Variants in NUP42 observed in about 807,000 individuals in gnomAD.
The protein encoded by NUP42 is nucleoporin NUP42.
A neutral mutation model predicts 35.9 loss-of-function variants in NUP42; 47 were observed. The observed-to-expected ratio is 1.31, with a 90% confidence interval of 1.04 to 1.67. The LOEUF (loss-of-function observed/expected upper bound fraction) is 1.67, where lower values mean the gene tolerates loss of function less well. NUP42 is among the 40% of genes most tolerant of loss of function. NUP42 has a pLI of 0.00. For missense variants in NUP42, 514 were observed against 492.2 expected (o/e 1.04, Z -0.42); for synonymous variants, 173 against 173.3 (o/e 1.00, Z 0.01).
chr7:23,189,670 T>A (rs1233142200), intron 3 of NUP42, among the ~76,000 whole-genome samples: 1 of 151,252 alleles, frequency 6.6e-6, no homozygotes, highest in African/African-American at 2.4e-5. Context: ...CCCAGCACTT[T>A]GGGAGGCCGA....
intron 3 of NUP42, chr7:23,188,289 C>T: frequency 1.7e-6 from 2 of 1,207,600 alleles, no homozygotes; most frequent in Non-Finnish European, 2.1e-6. Context: ...TTCTTTTGTG[C>T]TAAGTGCTAG....
intron 1 of NUP42, 159 bp downstream of exon 1, chr7:23,182,365 G>A (rs1228717332): frequency 7.0e-7 from 1 of 1,432,098 alleles, no homozygotes; most frequent in Non-Finnish European, 9.1e-7. Context: ...TAAACCGAGG[G>A]TTTTATCTAC....
chr7:23,197,458 T>A (rs902011638), intron 5 of NUP42, among the ~76,000 whole-genome samples: 1 of 152,246 alleles, frequency 6.6e-6, no homozygotes, highest in Non-Finnish European at 1.5e-5. Context: ...GCTTCCTGAA[T>A]AACTAGACTC....
At chr7:23,191,934 G>C (rs1477449451) in intron 3 of NUP42, among the ~76,000 whole-genome samples, 1 of 152,158 alleles carries the variant, frequency 6.6e-6, no homozygotes, top group Non-Finnish European at 1.5e-5. Context: ...TCCAGCCTGG[G>C]TGACAGGAAT....
intron 3 of NUP42, chr7:23,195,386 A>T (rs1422164927): frequency 6.6e-6 from 1 of 152,570 alleles, no homozygotes; most frequent in Non-Finnish European, 1.5e-5. Flanking sequence ...CCTGTTCATT[A>T]TCTTTGCCCA....
rs1179113595 is a variant in NUP42 at position 23,195,587 on chromosome 7, G to C, written c.446-252G>C. ...ATAAATGTAGTCAAATCTTTCTCCT[G>C]TGTTTGTTGTTCATTCTACGCCACT... On this transcript the variant is annotated intron_variant, in intron 3 of 6. Coordinates refer to ENST00000258742, the MANE Select transcript of NUP42 (RefSeq NM_007342.3). The C allele has an allele frequency of 2.7e-5, 9 of 332,530 alleles. 1 individual carries two copies. Among genetic ancestry groups the C allele is most frequent in the South Asian group, 1.8e-4 (3 of 16,760 alleles). The allele number at this position is 332,530 out of a possible 1,614,324, so 20.6% of individuals were successfully genotyped here. A position where few individuals can be genotyped will look rare whatever the true frequency, so the allele number is the denominator to read the frequency against.
At position 23,200,660 on chromosome 7, in the gene NUP42, A is replaced by G. The variant is rs1786193466; in HGVS notation, c.1187A>G (p.Glu396Gly). Residue 396 changes from glutamate to glycine, a missense_variant, in exon 7 of 7, where the codon GAA becomes GGA. Coordinates refer to ENST00000258742, the MANE Select transcript of NUP42 (RefSeq NM_007342.3). ...ACACCCAGAGATAAACTAACAGTAG[A>G]AGAACTGGAACAATTTCAATCCAAG... ...LFTPRDKLTV[E>G]ELEQFQSKKF... 2 of 1,613,722 alleles carry G rather than the reference A, an allele frequency of 1.2e-6. No homozygotes were observed. Among genetic ancestry groups the G allele is most frequent in the Admixed American group, 3.3e-5 (2 of 59,942 alleles).
intron 3 of NUP42, chr7:23,195,043 G>C (rs1398918437): frequency 3.3e-5 from 5 of 152,170 alleles, no homozygotes; most frequent in African/African-American, 1.2e-4. Flanking sequence ...AAAAATATTA[G>C]AATGAACACC....
chr7:23,182,417 C>T, intron 1 of NUP42: 1 of 1,379,442 alleles, frequency 7.2e-7, no homozygotes, highest in Non-Finnish European at 9.4e-7. Flanking sequence ...TTCTGAGGAC[C>T]TGGGTTTGGG....
chr7:23,200,168 G>A lies in NUP42; in HGVS notation c.695G>A (p.Gly232Asp). 2 of 1,546,414 alleles carry A rather than the reference G, an allele frequency of 1.3e-6. No homozygotes were observed. The highest frequency in any genetic ancestry group is 1.7e-6 in the Non-Finnish European group (2 of 1,144,704). ...SSQAATFMSP[G>D]FPVNNSSSDN... Reference sequence around the variant, plus strand: ...TTTTTGTTGTTGTTGTTGTTTGTAGGCTTTCCAGTCAATAACAGCAGCAGT... The same window carrying A: ...TTTTTGTTGTTGTTGTTGTTTGTAGACTTTCCAGTCAATAACAGCAGCAGT... The change falls in exon 7 of 7, where the codon GGC becomes GAC. Residue 232 changes from glycine (G) to aspartate (D), a missense_variant and splice_region_variant. Coordinates refer to ENST00000258742, the MANE Select transcript of NUP42 (RefSeq NM_007342.3).
At chr7:23,184,158 G>A (rs1394368172) in intron 1 of NUP42, among the ~76,000 whole-genome samples, 2 of 152,074 alleles carry the variant, frequency 1.3e-5, no homozygotes, top group Non-Finnish European at 2.9e-5. Flanking sequence ...TTGGAAAGCT[G>A]GTAGAGGAAC....
intron 4 of NUP42, chr7:23,196,443 C>A: frequency 2.3e-6 from 1 of 439,304 alleles, no homozygotes; most frequent in Non-Finnish European, 4.1e-6. Flanking sequence ...TAACTACGTG[C>A]TGCCAGGTAC....
At chr7:23,191,186 T>G (rs1303355858) in intron 3 of NUP42, among the ~76,000 whole-genome samples, 2 of 152,128 alleles carry the variant, frequency 1.3e-5, no homozygotes, top group Non-Finnish European at 2.9e-5. Flanking sequence ...GCCAGAGAGA[T>G]AGCCAGGGGC....
Position 23,189,749 on chromosome 7 carries a change from A to G in NUP42, c.445+2603A>G, listed in dbSNP as rs533840594. On this transcript the variant is annotated intron_variant, in intron 3 of 6. Coordinates refer to ENST00000258742, the MANE Select transcript of NUP42 (RefSeq NM_007342.3). ...AACACGATGAAACCCCATCTCTACTAAAAAATACAAAAAATTAGCCAGACA... is the reference window on the plus strand; with the variant it reads ...AACACGATGAAACCCCATCTCTACTGAAAAATACAAAAAATTAGCCAGACA... Among the ~76,000 whole-genome samples, 15 of 151,732 alleles carry G rather than the reference A, an allele frequency of 9.9e-5. No individual in the cohort carries two copies. In the East Asian group the frequency reaches 2.3e-3, roughly 24 times the overall value.
At chr7:23,194,443 G>A (rs1785935179) in intron 3 of NUP42, 1 of 152,608 alleles carries the variant, frequency 6.6e-6, no homozygotes, top group Non-Finnish European at 1.5e-5. Context: ...TACAGCCTCG[G>A]CTGGCCTTCC....
chr7:23,191,538 G>A (rs1255913465), intron 3 of NUP42, among the ~76,000 whole-genome samples: 2 of 152,170 alleles, frequency 1.3e-5, no homozygotes, highest in South Asian at 2.1e-4. Context: ...GGGAAGACAA[G>A]TCATTAGAAG....
intron 3 of NUP42, among the ~76,000 whole-genome samples, chr7:23,192,869 GT>G (rs1259968129): frequency 1.3e-5 from 2 of 152,206 alleles, no homozygotes; most frequent in Non-Finnish European, 2.9e-5. Flanking sequence ...TCCGGAATTG[GT>G]GGGTTCTTGG....
chr7:23,185,376 T>C, intron 2 of NUP42, 78 bp downstream of exon 2: 2 of 953,702 alleles, frequency 2.1e-6, no homozygotes, highest in South Asian at 3.1e-5. Flanking sequence ...TTTCTCTTTT[T>C]TTGTAACATC....
chr7:23,186,319 G>A (rs1041668871), intron 2 of NUP42, among the ~76,000 whole-genome samples: 2 of 152,144 alleles, frequency 1.3e-5, no homozygotes, highest in Non-Finnish European at 2.9e-5. Context: ...ATATACAACC[G>A]ATTTTTTTTT....
Sources: gnomAD v4.1 joint callset for allele counts (sites outside exome capture counted in the v4.1 genomes callset) on GRCh38, gnomAD v4.1.1 for gene constraint, MANE v1.5 for transcripts, NCBI Gene and HGNC (gene_info 2026-07-23, HGNC 2026-07-21) for gene names.